The following NXPE2 variants were observed in gnomAD, a reference collection of about 807,000 sequenced individuals.
NXPE2 encodes the protein NXPE family member 2.
NXPE2 carries 34 observed loss-of-function variants against 34.4 expected under a neutral mutation model. That is an observed-to-expected ratio of 0.99 (90% confidence interval 0.75 to 1.31). The LOEUF is 1.31. Among genes scored for constraint, NXPE2 ranks in the 40% most tolerant of loss-of-function variants. NXPE2 has a pLI of 0.00. For missense variants in NXPE2, 649 were observed against 672.5 expected (o/e 0.97, Z 0.39); for synonymous variants, 235 against 231.3 (o/e 1.02, Z -0.15).
the NXPE2 span, among the ~76,000 whole-genome samples, chr11:114,801,774 G>A: frequency 1.3e-5 from 2 of 152,156 alleles, no homozygotes; most frequent in Non-Finnish European, 2.9e-5. Flanking sequence ...GACGAGTCAG[G>A]TTTCTGGACT....
chr11:114,711,694 A>G (rs895943267), downstream of NXPE2, among the ~76,000 whole-genome samples: 22 of 152,178 alleles, frequency 1.4e-4, no homozygotes, highest in African/African-American at 5.3e-4. Flanking sequence ...AGCAATCTAC[A>G]GCTCCAGTGC....
the NXPE2 span, chr11:114,522,079 C>T: frequency 6.2e-7 from 1 of 1,613,114 alleles, no homozygotes; most frequent in Non-Finnish European, 8.5e-7. Flanking sequence ...CAATGATGCC[C>T]ACGTTGAGGT....
chr11:114,713,705 C>T, the NXPE2 span, among the ~76,000 whole-genome samples: 1 of 152,262 alleles, frequency 6.6e-6, no homozygotes, highest in South Asian at 2.1e-4. Flanking sequence ...CTATTTTCTT[C>T]GATACTGAAT....
the NXPE2 span, among the ~76,000 whole-genome samples, chr11:114,636,271 C>T: frequency 3.9e-5 from 6 of 152,054 alleles, no homozygotes; most frequent in Non-Finnish European, 7.4e-5. Context: ...GTAGTATTCT[C>T]TGATGGTAGT....
chr11:114,491,993 G>A, the NXPE2 span, among the ~76,000 whole-genome samples: 6 of 152,060 alleles, frequency 3.9e-5, no homozygotes, highest in East Asian at 1.9e-4. Flanking sequence ...GGAACATCAC[G>A]CTCTGGGGAC....
chr11:114,672,840 A>G, the NXPE2 span, among the ~76,000 whole-genome samples: 9 of 151,830 alleles, frequency 5.9e-5, no homozygotes, highest in Non-Finnish European at 1.3e-4. Context: ...AAAAAGAAAT[A>G]GACAATTCAA....
chr11:114,589,065 T>C, the NXPE2 span, among the ~76,000 whole-genome samples: 21 of 152,052 alleles, frequency 1.4e-4, no homozygotes, highest in Non-Finnish European at 2.8e-4. Flanking sequence ...AAGTCTGGGA[T>C]CCCTGAGGTG....
chr11:114,533,638 A>G, the NXPE2 span, among the ~76,000 whole-genome samples: 2 of 152,344 alleles, frequency 1.3e-5, no homozygotes, highest in African/African-American at 2.4e-5. Flanking sequence ...AGGAGATTAT[A>G]TCCCGCACCT....
At chr11:114,653,879 C>T in the NXPE2 span, among the ~76,000 whole-genome samples, 1 of 152,006 alleles carries the variant, frequency 6.6e-6, no homozygotes, top group Non-Finnish European at 1.5e-5. Context: ...TTCCAGCTTT[C>T]CTAAGCAAGG....
At chr11:114,756,018 C>T in the NXPE2 span, among the ~76,000 whole-genome samples, 1 of 152,240 alleles carries the variant, frequency 6.6e-6, no homozygotes, top group African/African-American at 2.4e-5. Context: ...TAGTGTCCAT[C>T]ACATTCTGGA....
chr11:114,496,417 C>T, the NXPE2 span, among the ~76,000 whole-genome samples: 5 of 152,156 alleles, frequency 3.3e-5, no homozygotes, highest in South Asian at 2.1e-4. Context: ...GACTGTCTTT[C>T]CTACCCTCTT....
the NXPE2 span, among the ~76,000 whole-genome samples, chr11:114,524,359 T>A: frequency 6.6e-6 from 1 of 152,368 alleles, no homozygotes; most frequent in South Asian, 2.1e-4. Context: ...GCTTAGTTCC[T>A]CAGAGGCCTT....
the NXPE2 span, among the ~76,000 whole-genome samples, chr11:114,748,774 T>C: frequency 2.8e-4 from 43 of 152,326 alleles, no homozygotes; most frequent in African/African-American, 1.0e-3. Flanking sequence ...TCATTCTTTT[T>C]CCATTTGTAT....
chr11:114,735,448 G>T, the NXPE2 span, among the ~76,000 whole-genome samples: 2 of 152,158 alleles, frequency 1.3e-5, no homozygotes, highest in East Asian at 3.9e-4. Flanking sequence ...CTATGAGAAT[G>T]TGGGCAAATC....
chr11:114,487,152 T>G, the NXPE2 span, among the ~76,000 whole-genome samples: 6 of 152,200 alleles, frequency 3.9e-5, no homozygotes, highest in South Asian at 1.2e-3. Context: ...TTCCTTTTTG[T>G]ATGAAAAAAG....
At chr11:114,756,786 GA>G in the NXPE2 span, among the ~76,000 whole-genome samples, 1 of 152,128 alleles carries the variant, frequency 6.6e-6, no homozygotes, top group Non-Finnish European at 1.5e-5. Context: ...GTTAGGTGCA[GA>G]GGATCTCTAA....
intron 3 of NXPE2, among the ~76,000 whole-genome samples, chr11:114,701,077 G>T (rs79668251): frequency 0.12 from 18,392 of 152,024 alleles, 1,416 homozygotes; most frequent in South Asian, 0.19. Flanking sequence ...CCTGATCAAG[G>T]TATGGAAAAA....
At chr11:114,596,154 A>C in the NXPE2 span, among the ~76,000 whole-genome samples, 1 of 152,180 alleles carries the variant, frequency 6.6e-6, no homozygotes, top group African/African-American at 2.4e-5. Flanking sequence ...GTATTATCTC[A>C]TACATAGTAG....
the NXPE2 span, among the ~76,000 whole-genome samples, chr11:114,491,242 G>GA: frequency 6.7e-6 from 1 of 150,192 alleles, no homozygotes; most frequent in South Asian, 2.1e-4. Flanking sequence ...CAGAATGGGA[G>GA]AAAATTTTCG....
Sources: gnomAD v4.1 joint callset for allele counts (sites outside exome capture counted in the v4.1 genomes callset) on GRCh38, gnomAD v4.1.1 for gene constraint, MANE v1.5 for transcripts, NCBI Gene and HGNC (gene_info 2026-07-23, HGNC 2026-07-21) for gene names.